AGBL1: variants seen among roughly 807,000 people sequenced by gnomAD.
The protein encoded by AGBL1 is cytosolic carboxypeptidase 4.
Under a neutral mutation model 118.9 loss-of-function variants are expected in AGBL1, and 130 were observed. The observed-to-expected ratio is 1.09, with a 90% CI of 0.95 to 1.26. AGBL1 has a LOEUF of 1.26. Ranked by LOEUF, AGBL1 falls within the 50% of genes most tolerant of loss-of-function variation. The pLI, the probability that AGBL1 is intolerant of heterozygous loss-of-function variation, is 0.00. For synonymous variants in AGBL1, 555 were observed against 478.9 expected (o/e 1.16, Z -2.08); for missense variants, 1,584 against 1,298.1 (o/e 1.22, Z -3.38).
rs2077817601 is a variant in AGBL1 at position 86,749,758 on chromosome 15, T to C, written c.3158+75322T>C. Among the ~76,000 whole-genome samples the C allele has an allele frequency of 2.0e-5, 3 of 152,312 alleles. No individual in the cohort carries two copies. The South Asian group carries it at 6.2e-4, about 32-fold the overall frequency. The stretch of plus-strand genomic sequence containing the variant: ...TTGTCAAAGGCCTTTTCTGCATCTG[T>C]TGAGATAATCATGTGGTTTTTGTCT... On this transcript the variant is annotated intron_variant, in intron 22 of 22. Transcript: ENST00000614907.
chr15:86,942,865 A>G (rs1379405729), intron 23 of AGBL1, among the ~76,000 whole-genome samples: 1 of 152,222 alleles, frequency 6.6e-6, no homozygotes, highest in Non-Finnish European at 1.5e-5. Flanking sequence ...TCAATCCACC[A>G]ATAGTTGCTA....
chr15:86,723,658 TA>T (rs536471527), intron 22 of AGBL1, among the ~76,000 whole-genome samples: 1,693 of 148,882 alleles, frequency 0.011, 9 homozygotes, highest in Non-Finnish European at 0.018. Context: ...AGTATAATAA[TA>T]AAAAAAAGAA....
chr15:86,445,461 C>G (rs527321432), intron 18 of AGBL1, among the ~76,000 whole-genome samples: 1 of 152,184 alleles, frequency 6.6e-6, no homozygotes, highest in African/African-American at 2.4e-5. Context: ...AACTCTCTTC[C>G]CTATGGGGAC....
In AGBL1 at chr15:86,794,676, T is replaced by C. The variant is rs543769742; in HGVS notation, c.3159-112411T>C. 5.4e-4 allele frequency among the ~76,000 whole-genome samples: 82 copies of C among 152,294 alleles called. 2 individuals carry two copies. The South Asian group carries it at 0.013, about 24-fold the overall frequency. ...TGCAGGGTCTCATGTTTACTGCTTC[T>C]ATATCAGTGTACTTTTCCCCAATCC... On this transcript the variant is annotated intron_variant, in intron 22 of 22. Coordinates refer to ENST00000614907, the MANE Select transcript of AGBL1 (RefSeq NM_001386094.1).
intron 5 of AGBL1, among the ~76,000 whole-genome samples, chr15:86,180,464 G>T (rs548089028): frequency 9.9e-4 from 150 of 152,104 alleles, no homozygotes; most frequent in African/African-American, 3.5e-3. Flanking sequence ...GGAAAATCTG[G>T]ATATTCATGT....
chr15:87,007,531 G>A (rs2081517308), intron 24 of AGBL1, among the ~76,000 whole-genome samples: 1 of 152,004 alleles, frequency 6.6e-6, no homozygotes, highest in Admixed American at 6.6e-5. Context: ...CAAATATATT[G>A]CTAGCATTAG....
intron 17 of AGBL1, among the ~76,000 whole-genome samples, chr15:86,391,378 T>C (rs2081281882): frequency 6.6e-6 from 1 of 152,234 alleles, no homozygotes; most frequent in South Asian, 2.1e-4. Flanking sequence ...TACAAATTTT[T>C]CTCATTTTAT....
intron 22 of AGBL1, among the ~76,000 whole-genome samples, chr15:86,855,612 A>T (rs1297526497): frequency 6.6e-6 from 1 of 152,242 alleles, no homozygotes; most frequent in Non-Finnish European, 1.5e-5. Flanking sequence ...GGCAATGGTG[A>T]TATAAATACA....
At chr15:86,571,529 T>C (rs2084006063) in intron 21 of AGBL1, among the ~76,000 whole-genome samples, 1 of 152,104 alleles carries the variant, frequency 6.6e-6, no homozygotes, top group Non-Finnish European at 1.5e-5. Context: ...GGTTGTCCCA[T>C]TGTTTCTTCA....
At position 86,937,764 on chromosome 15, in the gene AGBL1, T is replaced by C. The variant is rs933156912; in HGVS notation, c.3222-50223T>C. Among the ~76,000 whole-genome samples the C allele has an allele frequency of 4.5e-4, 69 of 152,222 alleles. 1 individual carries two copies. The highest frequency in any genetic ancestry group is 4.3e-3 in the Admixed American group (65 of 15,282). On this transcript the variant is annotated intron_variant, in intron 23 of 24. Coordinates refer to the AGBL1 transcript ENST00000441037. ...AACCCCCATGACATGAGTTTACCTA[T>C]GTGGCAAACTTTCACATGTACCTCC...
At chr15:86,227,753 G>T (rs1015461681) in intron 6 of AGBL1, among the ~76,000 whole-genome samples, 1 of 152,212 alleles carries the variant, frequency 6.6e-6, no homozygotes, top group South Asian at 2.1e-4. Flanking sequence ...CTCAGTATCA[G>T]CCTCATTCAT....
intron 17 of AGBL1, among the ~76,000 whole-genome samples, chr15:86,373,089 C>T (rs925299684): frequency 6.6e-6 from 1 of 152,146 alleles, no homozygotes; most frequent in African/African-American, 2.4e-5. Flanking sequence ...TCCCACATCC[C>T]CTTCAAATAG....
chr15:86,473,910 T>C (rs2082516288), intron 18 of AGBL1, among the ~76,000 whole-genome samples: 1 of 152,214 alleles, frequency 6.6e-6, no homozygotes, highest in Admixed American at 6.5e-5. Context: ...TGGAAAATTG[T>C]GTGGACTTGA....
chr15:86,313,692 T>A (rs1248596991), intron 17 of AGBL1, among the ~76,000 whole-genome samples: 1 of 152,256 alleles, frequency 6.6e-6, no homozygotes, highest in Non-Finnish European at 1.5e-5. Flanking sequence ...TTATCATTTA[T>A]GAATTATTGA....
intron 21 of AGBL1, among the ~76,000 whole-genome samples, chr15:86,655,327 A>C (rs1003535063): frequency 5.3e-5 from 8 of 152,174 alleles, no homozygotes; most frequent in Non-Finnish European, 1.2e-4. Context: ...GAAAATAGAA[A>C]CTGAACTAGC....
chr15:86,457,216 T>G (rs1201441701), intron 18 of AGBL1, among the ~76,000 whole-genome samples: 3 of 152,222 alleles, frequency 2.0e-5, no homozygotes, highest in African/African-American at 7.2e-5. Flanking sequence ...TGAAGGCAAC[T>G]CCTTTCTTAA....
chr15:86,833,222 G>A (rs1262964851), intron 22 of AGBL1, among the ~76,000 whole-genome samples: 1 of 151,942 alleles, frequency 6.6e-6, no homozygotes, highest in Non-Finnish European at 1.5e-5. Context: ...CCATTTAATG[G>A]CAAAAAGAGT....
intron 17 of AGBL1, among the ~76,000 whole-genome samples, chr15:86,342,149 T>C (rs1213575658): frequency 1.5e-4 from 23 of 152,224 alleles, no homozygotes; most frequent in Non-Finnish European, 1.5e-5. Flanking sequence ...TAACATCCTT[T>C]TTTTACTGCT....
intron 22 of AGBL1, among the ~76,000 whole-genome samples, chr15:86,881,636 T>C (rs1345697131): frequency 2.0e-5 from 3 of 152,080 alleles, no homozygotes; most frequent in Non-Finnish European, 2.9e-5. Context: ...GGGGTAGTGC[T>C]ATTTATTTAT....
Sources: gnomAD v4.1 joint callset for allele counts (sites outside exome capture counted in the v4.1 genomes callset) on GRCh38, gnomAD v4.1.1 for gene constraint, MANE v1.5 for transcripts, NCBI Gene and HGNC (gene_info 2026-07-23, HGNC 2026-07-21) for gene names.